The following PIP4K2A variants were observed in gnomAD, a reference collection of about 807,000 sequenced individuals.
PIP4K2A encodes the protein phosphatidylinositol-5-phosphate 4-kinase type 2 alpha.
A neutral mutation model predicts 42.9 loss-of-function variants in PIP4K2A; 14 were observed. The observed-to-expected ratio is 0.33, with a 90% CI of 0.22 to 0.51. The LOEUF is 0.51. PIP4K2A is among the 20% of genes least tolerant of loss of function. The pLI, the probability that PIP4K2A is intolerant of heterozygous loss-of-function variation, is 0.97. For missense variants in PIP4K2A, 434 were observed against 519.8 expected (o/e 0.83, Z 1.61); for synonymous variants, 192 against 192.2 (o/e 1.00, Z 0.01).
chr10:22,668,143 C>T (rs1317819865), intron 1 of PIP4K2A, among the ~76,000 whole-genome samples: 2 of 151,944 alleles, frequency 1.3e-5, no homozygotes, highest in African/African-American at 2.4e-5. Flanking sequence ...GTAGAGACAG[C>T]GTTTTACTAT....
chr10:22,570,207 A>G (rs562983666), intron 5 of PIP4K2A, among the ~76,000 whole-genome samples: 3 of 152,332 alleles, frequency 2.0e-5, no homozygotes, highest in Admixed American at 6.5e-5. Flanking sequence ...GACACAATAC[A>G]TATGTATCTT....
intron 9 of PIP4K2A, among the ~76,000 whole-genome samples, chr10:22,538,650 T>C (rs1836002026): frequency 6.6e-6 from 1 of 152,190 alleles, no homozygotes; most frequent in South Asian, 2.1e-4. Flanking sequence ...CATGGAGTCT[T>C]CTGAAGACCC....
At chr10:22,695,407 G>A (rs1174594820) in intron 1 of PIP4K2A, among the ~76,000 whole-genome samples, 2 of 152,130 alleles carry the variant, frequency 1.3e-5, no homozygotes, top group African/African-American at 4.8e-5. Context: ...GGTCATCACT[G>A]CAGTTTATCC....
intron 6 of PIP4K2A, among the ~76,000 whole-genome samples, chr10:22,565,869 G>A (rs548214543): frequency 1.3e-5 from 2 of 152,116 alleles, no homozygotes; most frequent in South Asian, 2.1e-4. Flanking sequence ...TCTTATGGTC[G>A]AAACTGCGGA....
chr10:22,544,844 T>TG (rs1297147512), intron 7 of PIP4K2A, among the ~76,000 whole-genome samples: 2 of 152,188 alleles, frequency 1.3e-5, no homozygotes, highest in Non-Finnish European at 2.9e-5. Context: ...TGGGCTTCTC[T>TG]GGGGGCAGGT....
chr10:22,611,898 C>T (rs1838050895), intron 1 of PIP4K2A, among the ~76,000 whole-genome samples: 1 of 152,206 alleles, frequency 6.6e-6, no homozygotes, highest in African/African-American at 2.4e-5. Context: ...GAGGTGGGAT[C>T]AGACACTGAT....
intron 1 of PIP4K2A, among the ~76,000 whole-genome samples, chr10:22,614,671 C>T (rs1292095749): frequency 6.6e-6 from 1 of 152,158 alleles, no homozygotes; most frequent in African/African-American, 2.4e-5. Flanking sequence ...ATTTTTTCTA[C>T]AACACATTTT....
chr10:22,634,592 T>C (rs1838621558), intron 1 of PIP4K2A, among the ~76,000 whole-genome samples: 1 of 152,200 alleles, frequency 6.6e-6, no homozygotes, highest in South Asian at 2.1e-4. Flanking sequence ...AAGAGGTTAT[T>C]ATTCACATTA....
chr10:22,573,709 T>C (rs1564426499), intron 4 of PIP4K2A, among the ~76,000 whole-genome samples: 1 of 152,210 alleles, frequency 6.6e-6, no homozygotes. Context: ...ATTTGTATGG[T>C]CAAACCTTGG....
At chr10:22,618,145 C>T (rs1183476003) in intron 1 of PIP4K2A, among the ~76,000 whole-genome samples, 1 of 152,184 alleles carries the variant, frequency 6.6e-6, no homozygotes, top group African/African-American at 2.4e-5. Context: ...TCGCTAGGTT[C>T]ACGACCTAAA....
chr10:22,636,914 C>T (rs1421150166), intron 1 of PIP4K2A, among the ~76,000 whole-genome samples: 1 of 152,222 alleles, frequency 6.6e-6, no homozygotes, highest in South Asian at 2.1e-4. Flanking sequence ...GTGGTTACAA[C>T]AGCCCCAGAT....
chr10:22,541,819 T>C lies in PIP4K2A; in HGVS notation c.1021A>G (p.Ile341Val), dbSNP rs1159422978. The change falls in exon 8 of 10, where the codon ATT (isoleucine) becomes GTT (valine). Residue 341 changes from isoleucine (I) to valine (V), a missense_variant. Physicochemically the swap from Ile to Val is conservative, Grantham distance 29. This residue lies in a region of PIP4K2A where 395 missense variants were observed against 444.5 expected (regional missense o/e 0.89). Transcript: ENST00000376573. Reference sequence around the variant, plus strand: ...TCAAACTTACTTTCATGGCACTTAATTCCATAGACGTCGATGTTCGGATCG... The same window carrying C: ...TCAAACTTACTTTCATGGCACTTAACTCCATAGACGTCGATGTTCGGATCG... ...EFDPNIDVYG[I>V]KCHENSPRKE... 6.4e-7 allele frequency: 1 copy of C among 1,554,716 alleles called. No homozygotes were observed. Among genetic ancestry groups the C allele is most frequent in the African/African-American group, 1.4e-5 (1 of 72,960 alleles).
rs1415225184 is a variant in PIP4K2A, at chr10:22,601,159, A to AAAAAC, written c.339+6763_339+6767dup. On this transcript the variant is annotated intron_variant, in intron 3 of 9. Transcript: ENST00000376573. ...AAAAAAAAAAAAAAAAAAAAAAAAA[A>AAAAAC]AAAACAAACCAGGAACATGTCCCCA... Among the ~76,000 whole-genome samples, 945 of 126,094 alleles carry AAAAAC rather than the reference A, an allele frequency of 7.5e-3. 16 individuals are homozygous for AAAAAC. Among genetic ancestry groups the AAAAAC allele is most frequent in the Middle Eastern group, 0.017 (4 of 240 alleles). 82.7% of individuals were successfully genotyped at this position (126,094 alleles called of 152,430 possible).
chr10:22,583,142 A>T (rs763029348), intron 4 of PIP4K2A, among the ~76,000 whole-genome samples: 1 of 152,206 alleles, frequency 6.6e-6, no homozygotes, highest in Non-Finnish European at 1.5e-5. Context: ...AAACAACATC[A>T]TCATTAAAAA....
intron 3 of PIP4K2A, among the ~76,000 whole-genome samples, chr10:22,599,281 A>T (rs1477017344): frequency 6.6e-6 from 1 of 152,206 alleles, no homozygotes; most frequent in Non-Finnish European, 1.5e-5. Context: ...CATGACTCCA[A>T]AAAGAAACCT....
At chr10:22,567,121 G>T (rs757956918) in intron 6 of PIP4K2A, among the ~76,000 whole-genome samples, 1 of 152,224 alleles carries the variant, frequency 6.6e-6, no homozygotes, top group Non-Finnish European at 1.5e-5. Flanking sequence ...AAGGTGACAA[G>T]AAGGCATAAC....
At chr10:22,669,824 C>T (rs1298759112) in intron 1 of PIP4K2A, among the ~76,000 whole-genome samples, 2 of 152,176 alleles carry the variant, frequency 1.3e-5, no homozygotes, top group Admixed American at 6.5e-5. Flanking sequence ...TTCTAGTCTG[C>T]ATATTTGTTT....
rs557433050 is a variant in PIP4K2A at position 22,648,900 on chromosome 10, C to G, written c.145-39183G>C. ...ATACTTGTGATCATCAGAACGTAGCCCAAAGCCATGCCATTTGCTTGAGGG... is the reference window on the plus strand; with the variant it reads ...ATACTTGTGATCATCAGAACGTAGCGCAAAGCCATGCCATTTGCTTGAGGG... On this transcript the variant is annotated intron_variant, in intron 1 of 9. Coordinates refer to ENST00000376573, the MANE Select transcript of PIP4K2A (RefSeq NM_005028.5). 5.9e-5 allele frequency among the ~76,000 whole-genome samples: 9 copies of G among 152,200 alleles called. No individual in the cohort carries two copies. The South Asian group carries it at 1.2e-3, about 21-fold the overall frequency.
intron 1 of PIP4K2A, among the ~76,000 whole-genome samples, chr10:22,709,392 A>T (rs1833877251): frequency 6.6e-6 from 1 of 152,186 alleles, no homozygotes; most frequent in Non-Finnish European, 1.5e-5. Context: ...ATCAGTTCCA[A>T]AGTTAGCATT....
Sources: allele counts gnomAD v4.1 joint callset (sites outside exome capture counted in the v4.1 genomes callset), GRCh38; gene constraint gnomAD v4.1.1; regional missense constraint gnomAD v4.1.1; transcripts MANE v1.5; gene names NCBI Gene and HGNC (gene_info 2026-07-23, HGNC 2026-07-21).